CBX7: variants seen among roughly 807,000 people sequenced by gnomAD.
The protein encoded by CBX7 is chromobox protein homolog 7.
In CBX7, 14 loss-of-function variants were observed where a neutral mutation model predicts 31.4. The observed-to-expected ratio is 0.45, with a 90% confidence interval of 0.29 to 0.70. The LOEUF (loss-of-function observed/expected upper bound fraction) is 0.70. Ranked by LOEUF, CBX7 falls within the 30% of genes least tolerant of loss-of-function variation. The pLI is 0.11. For missense variants in CBX7, 269 were observed against 351.9 expected, an observed-to-expected ratio of 0.76 and a Z score of 1.89; for synonymous variants, 159 against 152.6, an observed-to-expected ratio of 1.04 and a Z score of -0.31.
In CBX7 at chr22:39,134,492, T is replaced by C. The variant is rs1930171908; in HGVS notation, c.507A>G (p.Arg169=). Residue 169 remains arginine, a synonymous_variant, in exon 5 of 6, where the codon CGA becomes CGG. Coordinates refer to ENST00000216133, the MANE Select transcript of CBX7 (RefSeq NM_175709.5). ...RGPNLESHSH[R]RELFLQEPPA... ...GTGGCTCCTGCAGGAAGAGCTCCCG[T>C]CGATGGCTGTGGCTCTCCAGGTTGG... is the stretch of plus-strand genomic sequence containing the variant. 1 of 1,611,340 alleles carries C rather than the reference T, an allele frequency of 6.2e-7. No homozygotes were observed. The highest frequency in any genetic ancestry group is 8.5e-7 in the Non-Finnish European group (1 of 1,179,828).
At position 39,133,800 on chromosome 22, in the gene CBX7, A is replaced by G; in HGVS notation, c.*91T>C. 2.4e-6 allele frequency: 3 copies of G among 1,241,690 alleles called. No individual in the cohort carries two copies. Among genetic ancestry groups the G allele is most frequent in the Non-Finnish European group, 3.2e-6 (3 of 925,264 alleles). 76.9% of individuals were successfully genotyped at this position (1,241,690 alleles called of 1,614,324 possible). A position where few individuals can be genotyped will look rare whatever the true frequency, so the allele number is the denominator to read the frequency against. On this transcript the variant is annotated 3_prime_UTR_variant, in exon 6 of 6. Transcript: ENST00000216133. ...TGCTGCTCGGTATTTTTTTAAATAAAATAATTACCCCGCCCCCAACCCATC... is the reference window on the plus strand; with the variant it reads ...TGCTGCTCGGTATTTTTTTAAATAAGATAATTACCCCGCCCCCAACCCATC...
At chr22:39,150,822 C>T (rs923562079) in intron 1 of CBX7, among the ~76,000 whole-genome samples, 1 of 152,150 alleles carries the variant, frequency 6.6e-6, no homozygotes, top group Non-Finnish European at 1.5e-5. Flanking sequence ...AGCCCCTGCA[C>T]GCCAGAACTT....
At chr22:39,149,951 C>G in intron 1 of CBX7, 119 bp from the exon 2 acceptor site, 5 of 789,590 alleles carry the variant, frequency 6.3e-6, no homozygotes, top group Non-Finnish European at 1.1e-5. Flanking sequence ...AGGTGTCTCC[C>G]CAACACACAA....
At position 39,132,044 on chromosome 22, in the gene CBX7, T is replaced by C. The variant is rs951377350; in HGVS notation, c.*1847A>G. The C allele has an allele frequency of 6.6e-6, 1 of 152,200 alleles. No homozygotes were observed. Among genetic ancestry groups the C allele is most frequent in the Non-Finnish European group, 1.5e-5 (1 of 68,076 alleles). The allele number at this position is 152,200 out of a possible 1,614,324, so 9.4% of individuals were successfully genotyped here. ...ACCCCACGTATTCCTCTAGATTCCA[T>C]TCCCTGGGCTGGAGGTGAATCAGGT... On this transcript the variant is annotated 3_prime_UTR_variant, in exon 6 of 6. Coordinates refer to ENST00000216133, the MANE Select transcript of CBX7 (RefSeq NM_175709.5).
At chr22:39,137,381 T>A (rs1930292227) in intron 4 of CBX7, among the ~76,000 whole-genome samples, 1 of 151,920 alleles carries the variant, frequency 6.6e-6, no homozygotes, top group Non-Finnish European at 1.5e-5. Flanking sequence ...GGAGTTTCAC[T>A]CTTATCACCC....
rs897458890 is a variant in CBX7, at chr22:39,152,225, G to A, written c.69+151C>T. On this transcript the variant is annotated intron_variant, in intron 1 of 5. Transcript: ENST00000216133. This position sits in a 1 kb window ranked among gnomAD's most constrained non-coding sequence, Gnocchi z 4.9. ...CGCCCTACACGGTGGCAGGGAAACT[G>A]AGGCACGGGCTGGGGAGACGGGCCC... The A allele has an allele frequency of 7.0e-5, 22 of 315,250 alleles. No homozygotes were observed. The East Asian group carries it at 1.1e-3, about 16-fold the overall frequency. 19.5% of individuals were successfully genotyped at this position (315,250 alleles called of 1,614,324 possible). A position where few individuals can be genotyped will look rare whatever the true frequency, so the allele number is the denominator to read the frequency against.
intron 2 of CBX7, among the ~76,000 whole-genome samples, chr22:39,145,633 G>A (rs1930624802): frequency 6.6e-6 from 1 of 150,956 alleles, no homozygotes; most frequent in Non-Finnish European, 1.5e-5. Context: ...CCCCGTGGGA[G>A]GGGGCGGAGC....
chr22:39,134,271 G>T, intron 5 of CBX7, 130 bp downstream of exon 5: 1 of 906,942 alleles, frequency 1.1e-6, no homozygotes, highest in Non-Finnish European at 1.6e-6. Context: ...GGCTAGTGTT[G>T]GGCCCTGAGC....
At chr22:39,138,786 T>G (rs903935792) in intron 3 of CBX7, 84 bp from the exon 4 acceptor site, 15 of 1,282,288 alleles carry the variant, frequency 1.2e-5, no homozygotes, top group Non-Finnish European at 1.6e-5. Context: ...GCCCGCCCTC[T>G]GCTGTCTGTC....
intron 3 of CBX7, among the ~76,000 whole-genome samples, chr22:39,140,227 G>A (rs1930405294): frequency 6.6e-6 from 1 of 152,148 alleles, no homozygotes; most frequent in Admixed American, 6.5e-5. Context: ...CATCCACTGA[G>A]CATCCATCCC....
Position 39,133,784 on chromosome 22 carries a change from G to C in CBX7, c.*107C>G. ...GGATCTTCTCCCCTTTTGCTGCTCG[G>C]TATTTTTTTAAATAAAATAATTACC... is the stretch of plus-strand genomic sequence containing the variant. On this transcript the variant is annotated 3_prime_UTR_variant, in exon 6 of 6. Transcript: ENST00000216133. The C allele has an allele frequency of 9.0e-7, 1 of 1,114,484 alleles. No homozygotes were observed. Among genetic ancestry groups the C allele is most frequent in the Non-Finnish European group, 1.2e-6 (1 of 814,202 alleles). The allele number at this position is 1,114,484 out of a possible 1,614,324, so 69.0% of individuals were successfully genotyped here.
chr22:39,141,606 G>A (rs772876868), intron 2 of CBX7, among the ~76,000 whole-genome samples, 170 bp from the exon 3 acceptor site: 10 of 152,192 alleles, frequency 6.6e-5, no homozygotes, highest in Middle Eastern at 3.4e-3. Flanking sequence ...AAAATTAGCC[G>A]GGCGTGGTGG....
At chr22:39,151,484 T>C (rs867543882) in intron 1 of CBX7, among the ~76,000 whole-genome samples, 71 of 152,310 alleles carry the variant, frequency 4.7e-4, no homozygotes, top group African/African-American at 1.6e-3. Context: ...CCTCAGTTTT[T>C]GTCTCTGTTA....
chr22:39,135,075 A>G (rs1930204703), intron 4 of CBX7: 1 of 333,748 alleles, frequency 3.0e-6, no homozygotes, highest in Non-Finnish European at 5.5e-6. Flanking sequence ...ATCTGGATGC[A>G]TTAAGGAGTT....
intron 1 of CBX7, 30 bp from the exon 2 acceptor site, chr22:39,149,862 G>A (rs1272557659): frequency 6.2e-7 from 1 of 1,606,752 alleles, no homozygotes; most frequent in Non-Finnish European, 8.5e-7. Context: ...GACACAGTGA[G>A]TCTCGTGGTT....
rs1258535046 is a variant in CBX7, at chr22:39,134,445, G to A, written c.554C>T (p.Ala185Val). ...QEPPAPDVLQ[A>V]AGEWEPAAQP... ...CGCAGCAGGCTCCCACTCGCCAGCCGCCTGCAGGACGTCTGGGGCCGGTGG... is the reference window on the plus strand; with the variant it reads ...CGCAGCAGGCTCCCACTCGCCAGCCACCTGCAGGACGTCTGGGGCCGGTGG... The change falls in exon 5 of 6, where the codon GCG (alanine) becomes GTG (valine). Residue 185 changes from alanine (A) to valine (V), a missense_variant. Ala to Val is a moderately conservative substitution (Grantham distance 64). This residue lies in a region of CBX7 where 222 missense variants were observed against 240.4 expected (regional missense o/e 0.92). Coordinates refer to ENST00000216133, the MANE Select transcript of CBX7 (RefSeq NM_175709.5). The A allele has an allele frequency of 5.0e-6, 8 of 1,605,266 alleles. No individual in the cohort carries two copies. Among genetic ancestry groups the A allele is most frequent in the Middle Eastern group, 1.7e-4 (1 of 5,962 alleles).
chr22:39,147,085 A>ATTTTT (rs1930687529), intron 2 of CBX7: 1 of 86,394 alleles, frequency 1.2e-5, no homozygotes, highest in African/African-American at 5.3e-5. Flanking sequence ...CAAAGTGTCC[A>ATTTTT]CTTTTTTTTT....
At chr22:39,139,337 C>T (rs1487769750) in intron 3 of CBX7, among the ~76,000 whole-genome samples, 1 of 152,154 alleles carries the variant, frequency 6.6e-6, no homozygotes, top group Non-Finnish European at 1.5e-5. Flanking sequence ...GTAATCCCAG[C>T]AGTTTGGGAG....
chr22:39,148,070 CTG>C (rs1930723909), intron 2 of CBX7: 1 of 152,268 alleles, frequency 6.6e-6, no homozygotes, highest in Non-Finnish European at 1.5e-5. Flanking sequence ...TGGTGGGGCC[CTG>C]TCCCAGGGCT....
Sources: allele counts gnomAD v4.1 joint callset (sites outside exome capture counted in the v4.1 genomes callset), GRCh38; gene constraint gnomAD v4.1.1; regional missense constraint gnomAD v4.1.1; non-coding constraint Gnocchi (gnomAD v3.1); transcripts MANE v1.5; gene names NCBI Gene and HGNC (gene_info 2026-07-23, HGNC 2026-07-21).